DCC: variants seen among roughly 807,000 people sequenced by gnomAD.
The protein encoded by DCC is DCC netrin 1 receptor, also known as netrin receptor DCC.
DCC carries 58 observed loss-of-function variants against 172.5 expected under a neutral mutation model. The observed-to-expected ratio is 0.34, with a 90% CI of 0.27 to 0.42. DCC has a LOEUF of 0.42. Ranked by LOEUF, DCC falls within the 10% of genes least tolerant of loss-of-function variation. The pLI, the probability that DCC is intolerant of heterozygous loss-of-function variation, is 1.00. For missense variants in DCC, 1,740 were observed against 1,791.0 expected (o/e 0.97, Z 0.51); for synonymous variants, 709 against 644.5 (o/e 1.10, Z -1.52).
intron 1 of DCC, among the ~76,000 whole-genome samples, chr18:52,583,591 C>T (rs2033604411): frequency 6.6e-6 from 1 of 152,008 alleles, no homozygotes; most frequent in Non-Finnish European, 1.5e-5. Context: ...GAATAATTAG[C>T]TTTTCTTGGC....
At position 52,540,770 on chromosome 18, in the gene DCC, C is replaced by A. The variant is rs530163254; in HGVS notation, c.91+199892C>A. ...TACAGGCGCCCGCCACCACGCCCAG[C>A]TAATTTTTTGTATTTTTAGTAGAGA... On this transcript the variant is annotated intron_variant, in intron 1 of 28. Coordinates refer to ENST00000442544, the MANE Select transcript of DCC (RefSeq NM_005215.4). 5.3e-3 allele frequency among the ~76,000 whole-genome samples: 802 copies of A among 151,958 alleles called. 4 individuals are homozygous for A. Among genetic ancestry groups the A allele is most frequent in the Middle Eastern group, 0.01 (3 of 294 alleles).
At chr18:53,286,972 T>C (rs2056942898) in intron 12 of DCC, among the ~76,000 whole-genome samples, 1 of 151,078 alleles carries the variant, frequency 6.6e-6, no homozygotes, top group African/African-American at 2.4e-5. Flanking sequence ...ATACTATTCT[T>C]TTTTTTTTGG....
chr18:52,476,179 C>A (rs1323930432), intron 1 of DCC, among the ~76,000 whole-genome samples: 1 of 152,130 alleles, frequency 6.6e-6, no homozygotes, highest in Non-Finnish European at 1.5e-5. Flanking sequence ...AAGGTACTTG[C>A]AGCTTCAGCA....
intron 1 of DCC, among the ~76,000 whole-genome samples, chr18:52,647,344 C>T (rs1394914482): frequency 1.3e-5 from 2 of 152,186 alleles, no homozygotes; most frequent in East Asian, 3.9e-4. Context: ...TTCCTCCTAC[C>T]CAACTTGAAG....
intron 1 of DCC, among the ~76,000 whole-genome samples, chr18:52,637,963 G>A (rs2034814710): frequency 6.6e-6 from 1 of 152,192 alleles, no homozygotes; most frequent in Non-Finnish European, 1.5e-5. Flanking sequence ...ATTAACAGCA[G>A]ATTTCTCAGC....
At chr18:52,750,372 A>T (rs1263991266) in intron 1 of DCC, among the ~76,000 whole-genome samples, 1 of 152,150 alleles carries the variant, frequency 6.6e-6, no homozygotes, top group Non-Finnish European at 1.5e-5. Context: ...ACTACACCAA[A>T]AGGATCTGTG....
At chr18:52,939,488 T>C (rs990508904) in intron 5 of DCC, among the ~76,000 whole-genome samples, 4 of 152,186 alleles carry the variant, frequency 2.6e-5, no homozygotes, top group Non-Finnish European at 4.4e-5. Flanking sequence ...ATGTACTGTT[T>C]TACTTACTAT....
chr18:52,828,461 G>C (rs2038552655), intron 2 of DCC, among the ~76,000 whole-genome samples: 1 of 151,730 alleles, frequency 6.6e-6, no homozygotes, highest in Non-Finnish European at 1.5e-5. Flanking sequence ...GAAATATGAG[G>C]AATAATGGTT....
chr18:53,511,002 T>C (rs1040460831), intron 27 of DCC, among the ~76,000 whole-genome samples: 2 of 152,262 alleles, frequency 1.3e-5, no homozygotes, highest in Non-Finnish European at 2.9e-5. Flanking sequence ...ACTTATCAGC[T>C]GAGTGGCTTT....
intron 5 of DCC, among the ~76,000 whole-genome samples, chr18:52,945,680 G>A (rs1009603588): frequency 6.6e-6 from 1 of 152,160 alleles, no homozygotes; most frequent in Non-Finnish European, 1.5e-5. Context: ...GCTGAAGGCT[G>A]GATGTCAGCT....
intron 12 of DCC, among the ~76,000 whole-genome samples, chr18:53,254,696 C>G (rs2056482282): frequency 6.6e-6 from 1 of 152,006 alleles, no homozygotes; most frequent in Non-Finnish European, 1.5e-5. Context: ...AAATAATTCT[C>G]TAGTGATTAT....
intron 2 of DCC, among the ~76,000 whole-genome samples, chr18:52,774,185 T>G (rs1166266782): frequency 6.6e-6 from 1 of 152,208 alleles, no homozygotes; most frequent in African/African-American, 2.4e-5. Context: ...TTGTTTAGCT[T>G]TATTCCAGAT....
chr18:52,999,671 A>C (rs1192516036), intron 5 of DCC, among the ~76,000 whole-genome samples: 2 of 152,130 alleles, frequency 1.3e-5, no homozygotes, highest in Non-Finnish European at 2.9e-5. Context: ...CAAAACCGTA[A>C]GAGAAATGAT....
chr18:53,389,269 T>C (rs1908389361), intron 16 of DCC, among the ~76,000 whole-genome samples: 1 of 122,776 alleles, frequency 8.1e-6, no homozygotes, highest in Non-Finnish European at 2.0e-5. Flanking sequence ...CACCCAGTGG[T>C]AGGAAGAGAA....
intron 1 of DCC, among the ~76,000 whole-genome samples, chr18:52,662,774 G>A (rs1598998364): frequency 1.3e-5 from 2 of 152,312 alleles, no homozygotes; most frequent in South Asian, 4.1e-4. Flanking sequence ...CATAAACTGA[G>A]TGGCTTACAC....
intron 8 of DCC, 117 bp from the exon 9 acceptor site, chr18:53,178,845 A>G: frequency 1.0e-6 from 1 of 975,012 alleles, no homozygotes; most frequent in Admixed American, 1.9e-5. Context: ...CCCAGAGTCA[A>G]CATTAGATGA....
chr18:53,020,593 A>G (rs574333748), intron 5 of DCC, among the ~76,000 whole-genome samples: 1 of 152,190 alleles, frequency 6.6e-6, no homozygotes, highest in South Asian at 2.1e-4. Flanking sequence ...CCTAGTGTAC[A>G]TGTAAAAGTC....
intron 1 of DCC, among the ~76,000 whole-genome samples, chr18:52,527,188 A>G (rs568399374): frequency 1.3e-5 from 2 of 152,374 alleles, no homozygotes; most frequent in African/African-American, 2.4e-5. Flanking sequence ...AGGGGATATC[A>G]TGTCATAAGA....
chr18:52,889,802 G>C (rs1433011301), intron 2 of DCC, among the ~76,000 whole-genome samples: 3 of 152,100 alleles, frequency 2.0e-5, no homozygotes, highest in Non-Finnish European at 4.4e-5. Flanking sequence ...AAAAGGACCA[G>C]TCATCAGAAC....
Sources: allele counts gnomAD v4.1 joint callset (sites outside exome capture counted in the v4.1 genomes callset), GRCh38; gene constraint gnomAD v4.1.1; transcripts MANE v1.5; gene names NCBI Gene and HGNC (gene_info 2026-07-23, HGNC 2026-07-21).